Variants in PPP1R7 observed in about 807,000 individuals in gnomAD.
The protein encoded by PPP1R7 is protein phosphatase 1 regulatory subunit 22.
In PPP1R7, 18 loss-of-function variants were observed where a neutral mutation model predicts 45.2. That is an observed-to-expected ratio of 0.40 (90% CI 0.28 to 0.59). PPP1R7 has a LOEUF of 0.59. PPP1R7 is among the 20% of genes least tolerant of loss of function. The pLI is 0.46. For missense variants in PPP1R7, 314 were observed against 455.8 expected, an observed-to-expected ratio of 0.69 and a Z score of 2.83; for synonymous variants, 181 against 183.4, an observed-to-expected ratio of 0.99 and a Z score of 0.11.
At chr2:241,181,378 A>G (rs2149074382) in intron 9 of PPP1R7, among the ~76,000 whole-genome samples, 1 of 152,218 alleles carries the variant, frequency 6.6e-6, no homozygotes, top group Non-Finnish European at 1.5e-5. Context: ...AACTCTATTC[A>G]GGCAGTGGAC....
intron 2 of PPP1R7, 91 bp downstream of exon 2, chr2:241,153,695 C>T (rs1265574695): frequency 3.3e-6 from 5 of 1,512,472 alleles, no homozygotes; most frequent in South Asian, 2.5e-5. Context: ...GGTGCTGTGT[C>T]GGTCTGGAGA....
chr2:241,151,796 C>T, intron 1 of PPP1R7, among the ~76,000 whole-genome samples: 1 of 152,166 alleles, frequency 6.6e-6, no homozygotes, highest in South Asian at 2.1e-4. Context: ...AAAGTATCTC[C>T]AAATCTCCGA....
chr2:241,156,314 C>T (rs1460006732), intron 2 of PPP1R7, among the ~76,000 whole-genome samples: 1 of 152,234 alleles, frequency 6.6e-6, no homozygotes, highest in South Asian at 2.1e-4. Flanking sequence ...CTGGGAGAAG[C>T]ACTACAAGAC....
chr2:241,156,005 A>C (rs1268667901), intron 2 of PPP1R7, among the ~76,000 whole-genome samples: 1 of 152,238 alleles, frequency 6.6e-6, no homozygotes, highest in African/African-American at 2.4e-5. Flanking sequence ...GGTTATAGAA[A>C]AGGCATAGTG....
intron 9 of PPP1R7, among the ~76,000 whole-genome samples, chr2:241,180,378 G>A (rs1260261464): frequency 2.5e-5 from 3 of 120,100 alleles, no homozygotes; most frequent in Admixed American, 9.8e-5. Context: ...TCTAACGATC[G>A]CTGGTGAGCT....
intron 5 of PPP1R7, 30 bp downstream of exon 5, chr2:241,159,373 A>G: frequency 6.2e-7 from 1 of 1,608,136 alleles, no homozygotes; most frequent in African/African-American, 1.3e-5. Context: ...GGAGAACAGC[A>G]TGGTGGGAAG....
chr2:241,158,652 G>A, intron 4 of PPP1R7, 103 bp downstream of exon 4: 1 of 1,162,244 alleles, frequency 8.6e-7, no homozygotes, highest in Non-Finnish European at 1.3e-6. Context: ...GTCCCAGCCT[G>A]TGGGCGGCGT....
At chr2:241,157,122 C>A (rs1426536617) in intron 2 of PPP1R7, among the ~76,000 whole-genome samples, 1 of 152,186 alleles carries the variant, frequency 6.6e-6, no homozygotes, top group Non-Finnish European at 1.5e-5. Context: ...ATGCCGGCTC[C>A]GGGGTAGAGA....
At chr2:241,173,429 T>C (rs2067853639) in intron 9 of PPP1R7, among the ~76,000 whole-genome samples, 1 of 152,190 alleles carries the variant, frequency 6.6e-6, no homozygotes, top group Non-Finnish European at 1.5e-5. Flanking sequence ...TTATTTCTAA[T>C]AAGAAGCCAG....
At chr2:241,150,014 C>A, upstream of PPP1R7, 2 of 1,399,928 alleles carry the variant, frequency 1.4e-6, no homozygotes, top group Non-Finnish European at 1.9e-6. Context: ...CCGTTCGGCC[C>A]ATTGTACAGA....
At chr2:241,180,447 A>G (rs1045817607) in intron 9 of PPP1R7, among the ~76,000 whole-genome samples, 1 of 150,568 alleles carries the variant, frequency 6.6e-6, no homozygotes, top group African/African-American at 2.5e-5. Flanking sequence ...AATGTTTTTA[A>G]GCTTACAGAT....
At position 241,175,996 on chromosome 2, in the gene PPP1R7, T is replaced by G. The variant is rs563827327; in HGVS notation, c.906+6129T>G. 2.6e-5 allele frequency among the ~76,000 whole-genome samples: 4 copies of G among 152,298 alleles called. No homozygotes were observed. In the East Asian group the frequency reaches 7.7e-4, roughly 29 times the overall value. On this transcript the variant is annotated intron_variant, in intron 9 of 9. Transcript: ENST00000234038. ...TTTCACCATGTTGGCCAGGATGGTC[T>G]CAAACTCCTGACCTCAGGTAATCCG... is the stretch of plus-strand genomic sequence containing the variant.
intron 6 of PPP1R7, among the ~76,000 whole-genome samples, chr2:241,160,940 C>G (rs1288614126): frequency 2.0e-5 from 3 of 149,200 alleles, no homozygotes; most frequent in African/African-American, 7.4e-5. Context: ...TGATCATGGT[C>G]ATCTTCTCTG....
intron 8 of PPP1R7, among the ~76,000 whole-genome samples, chr2:241,167,600 C>T (rs953968917): frequency 1.3e-5 from 2 of 152,186 alleles, no homozygotes; most frequent in Non-Finnish European, 2.9e-5. Flanking sequence ...CAAGCATCCA[C>T]CGGGAGACAG....
At chr2:241,169,935 A>T in intron 9 of PPP1R7, 68 bp downstream of exon 9, 1 of 1,262,334 alleles carries the variant, frequency 7.9e-7, no homozygotes, top group Middle Eastern at 2.2e-4. Context: ...AAAATGTCTT[A>T]TGAATGAATA....
In PPP1R7 at chr2:241,173,269, C is replaced by CAAAAAAAAA. The variant is rs540011262; in HGVS notation, c.906+3418_906+3426dup. ...CTTGGGCAACAGAGCAAGACTTTCT[C>CAAAAAAAAA]AAAAAAAAAAAAAAAAAAAAAAAAG... On this transcript the variant is annotated intron_variant, in intron 9 of 9. Coordinates refer to ENST00000234038, the MANE Select transcript of PPP1R7 (RefSeq NM_002712.3). Among the ~76,000 whole-genome samples, 68 of 90,664 alleles carry CAAAAAAAAA rather than the reference C, an allele frequency of 7.5e-4. 2 individuals are homozygous for CAAAAAAAAA. The highest frequency in any genetic ancestry group is 3.7e-3 in the African/African-American group (63 of 16,976). 59.5% of individuals were successfully genotyped at this position (90,664 alleles called of 152,430 possible). A position where few individuals can be genotyped will look rare whatever the true frequency, so the allele number is the denominator to read the frequency against.
chr2:241,153,775 T>G (rs1318455411), intron 2 of PPP1R7, among the ~76,000 whole-genome samples, 171 bp downstream of exon 2: 1 of 152,162 alleles, frequency 6.6e-6, no homozygotes, highest in East Asian at 1.9e-4. Context: ...AGGTGCTCCT[T>G]CAGCAGGCTG....
At chr2:241,165,198 G>A (rs750190870) in intron 7 of PPP1R7, among the ~76,000 whole-genome samples, 11 of 150,966 alleles carry the variant, frequency 7.3e-5, no homozygotes, top group Non-Finnish European at 1.6e-4. Flanking sequence ...ATGGAATTTC[G>A]CTCTTATTGC....
chr2:241,168,141 G>GT (rs1449479491), intron 8 of PPP1R7, among the ~76,000 whole-genome samples: 1 of 152,068 alleles, frequency 6.6e-6, no homozygotes, highest in Non-Finnish European at 1.5e-5. Context: ...CTTTTTTTCT[G>GT]TTTCTTAAGC....
Sources: allele counts gnomAD v4.1 joint callset (sites outside exome capture counted in the v4.1 genomes callset), GRCh38; gene constraint gnomAD v4.1.1; transcripts MANE v1.5; gene names NCBI Gene and HGNC (gene_info 2026-07-23, HGNC 2026-07-21).